The following ERLIN1 variants were observed in gnomAD, a reference collection of about 807,000 sequenced individuals.
ERLIN1 encodes the protein ER lipid raft associated 1, also known as erlin-1.
A neutral mutation model predicts 46.9 loss-of-function variants in ERLIN1; 24 were observed. The observed-to-expected ratio is 0.51, with a 90% CI of 0.37 to 0.72. The LOEUF is 0.72. Among genes scored for constraint, ERLIN1 ranks in the 30% least tolerant of loss-of-function variants. The pLI is 0.00. For synonymous variants in ERLIN1, 158 were observed against 143.2 expected (o/e 1.10, Z -0.74); for missense variants, 293 against 417.9 (o/e 0.70, Z 2.61).
At chr10:100,156,095 G>A in intron 9 of ERLIN1, 50 bp downstream of exon 9, 4 of 1,169,008 alleles carry the variant, frequency 3.4e-6, no homozygotes, top group Non-Finnish European at 5.1e-6. Flanking sequence ...CTGGAGCAGA[G>A]AGGAGGCAGT....
intron 8 of ERLIN1, among the ~76,000 whole-genome samples, chr10:100,159,121 C>T (rs1035519517): frequency 6.6e-6 from 1 of 152,054 alleles, no homozygotes. Context: ...AAGAAAATAA[C>T]TAACCAAGAA....
chr10:100,161,437 C>T (rs1311161852), intron 8 of ERLIN1, among the ~76,000 whole-genome samples: 1 of 150,856 alleles, frequency 6.6e-6, no homozygotes, highest in African/African-American at 2.5e-5. Context: ...GACAACTCTC[C>T]TAAATGGAGA....
chr10:100,179,189 G>A lies in ERLIN1; in HGVS notation c.242+12C>T, dbSNP rs1696873224. The A allele has an allele frequency of 6.3e-7, 1 of 1,587,716 alleles. No individual in the cohort carries two copies. The highest frequency in any genetic ancestry group is 8.6e-7 in the Non-Finnish European group (1 of 1,165,048). On this transcript the variant is annotated intron_variant, in intron 3 of 10. Transcript: ENST00000421367. ...AGCTAAAGGGAGGCTCGTAGGCAAA[G>A]AGAAAGCTTACCTTGTTCCACAAGG...
intron 6 of ERLIN1, among the ~76,000 whole-genome samples, chr10:100,168,745 T>C (rs1407122616): frequency 2.0e-5 from 3 of 150,590 alleles, no homozygotes; most frequent in East Asian, 2.0e-4. Context: ...GGTGGTGCAA[T>C]CTCAGTTCAC....
chr10:100,152,492 T>C (rs916574507), intron 10 of ERLIN1, 140 bp from the exon 11 acceptor site: 57 of 642,938 alleles, frequency 8.9e-5, no homozygotes, highest in Non-Finnish European at 1.5e-4. Flanking sequence ...CTCTCTCACT[T>C]TGGAGAGTGG....
intron 10 of ERLIN1, among the ~76,000 whole-genome samples, chr10:100,152,857 T>TG (rs1221696327): frequency 6.6e-6 from 1 of 151,486 alleles, no homozygotes. Context: ...CACCCAGCCT[T>TG]TTTTTTTTCT....
At chr10:100,162,505 A>G (rs1843409630) in intron 8 of ERLIN1, among the ~76,000 whole-genome samples, 1 of 152,198 alleles carries the variant, frequency 6.6e-6, no homozygotes, top group East Asian at 1.9e-4. Context: ...ATTTGTCAAT[A>G]TGTTGAATGT....
rs150796906 is a variant in ERLIN1, at chr10:100,176,006, G to A, written c.369C>T (p.His123=). Residue 123 remains histidine, a synonymous_variant, in exon 5 of 11, where the codon CAC becomes CAT. Transcript: ENST00000421367. ...YDKTLIFNKI[H]HELNQFCSAH... ...CACTGCAGAACTGGTTCAGCTCATG[G>A]TGGATTTTATTGAAGATTAAGGTCT... 4.2e-4 allele frequency: 679 copies of A among 1,613,070 alleles called. 1 individual carries two copies. In the African/African-American group the frequency reaches 8.1e-3, roughly 19 times the overall value.
At position 100,174,226 on chromosome 10, in the gene ERLIN1, G is replaced by T; in HGVS notation, c.486C>A (p.Ala162=). ...QALQKDLNLM[A]PGLTIQAVRV... is the part of the protein sequence containing the mutation. ...AACTTACCTGTATAGTGAGACCTGG[G>T]GCCATGAGGTTTAAGTCTTTCTGCA... Residue 162 remains alanine, a synonymous_variant, in exon 6 of 11, where the codon GCC becomes GCA. Transcript: ENST00000421367. The T allele has an allele frequency of 6.4e-7, 1 of 1,563,636 alleles. No individual in the cohort carries two copies.
intron 8 of ERLIN1, among the ~76,000 whole-genome samples, chr10:100,158,282 C>A (rs752449032): frequency 6.6e-6 from 1 of 152,154 alleles, no homozygotes; most frequent in Non-Finnish European, 1.5e-5. Flanking sequence ...CTGAAGAACA[C>A]CCAAATACAG....
At chr10:100,155,462 T>C (rs1256824141) in intron 9 of ERLIN1, among the ~76,000 whole-genome samples, 2 of 152,200 alleles carry the variant, frequency 1.3e-5, no homozygotes, top group South Asian at 2.1e-4. Flanking sequence ...ATTTTGTTTT[T>C]TTTTTGGACA....
At position 100,174,280 on chromosome 10, in the gene ERLIN1, A is replaced by T; in HGVS notation, c.432T>A (p.Asp144Glu). Residue 144 changes from aspartate to glutamate, a missense_variant and splice_region_variant, in exon 6 of 11, where the codon GAT becomes GAA. Physicochemically the swap from Asp to Glu is conservative, Grantham distance 45. This residue lies in a region of ERLIN1 where 148 missense variants were observed against 266.5 expected (regional missense o/e 0.56). Coordinates refer to ENST00000421367, the MANE Select transcript of ERLIN1 (RefSeq NM_006459.4). ...TLQEVYIELF[D>E]QIDENLKQAL... ...CTTGCTTCAGGTTTTCATCTATTTG[A>T]TCTGTTTTTTAAGCCAAGAACAACA... 1 of 1,555,034 alleles carries T rather than the reference A, an allele frequency of 6.4e-7. No individual in the cohort carries two copies. Among genetic ancestry groups the T allele is most frequent in the Non-Finnish European group, 8.7e-7 (1 of 1,147,900 alleles).
intron 10 of ERLIN1, among the ~76,000 whole-genome samples, chr10:100,153,987 T>C (rs1842937354): frequency 6.6e-6 from 1 of 152,234 alleles, no homozygotes; most frequent in Admixed American, 6.5e-5. Flanking sequence ...CGGATTATGT[T>C]GTTCCTTTCT....
chr10:100,152,558 T>G (rs1047574712), intron 10 of ERLIN1, among the ~76,000 whole-genome samples: 6 of 152,204 alleles, frequency 3.9e-5, no homozygotes, highest in Admixed American at 3.9e-4. Flanking sequence ...AGCTCCTGAC[T>G]TAATGCAAGA....
chr10:100,183,090 GCAGA>G (rs1475819061), intron 2 of ERLIN1, among the ~76,000 whole-genome samples: 3 of 152,142 alleles, frequency 2.0e-5, no homozygotes, highest in Non-Finnish European at 4.4e-5. Flanking sequence ...GCAGCAGATG[GCAGA>G]CAAACTTCTG....
At chr10:100,156,342 G>A (rs1843081335) in intron 8 of ERLIN1, 108 bp from the exon 9 acceptor site, 1 of 680,620 alleles carries the variant, frequency 1.5e-6, no homozygotes, top group Admixed American at 2.4e-5. Context: ...AAAGTTTTAT[G>A]TGCTAATTGT....
At chr10:100,155,708 G>T (rs939906722) in intron 9 of ERLIN1, among the ~76,000 whole-genome samples, 1 of 151,986 alleles carries the variant, frequency 6.6e-6, no homozygotes, top group Non-Finnish European at 1.5e-5. Flanking sequence ...TAGAGACGGG[G>T]TTTCACCGTT....
Position 100,170,302 on chromosome 10 carries a change from C to T in ERLIN1, c.505-2896G>A, listed in dbSNP as rs1004771953. 2.0e-5 allele frequency among the ~76,000 whole-genome samples: 3 copies of T among 151,996 alleles called. No homozygotes were observed. In the East Asian group the frequency reaches 5.8e-4, roughly 29 times the overall value. ...AATTTTATAACAAGACAAAAGCAAC[C>T]AAAGCAAAGGAGCTCTTCTCTTCTC... On this transcript the variant is annotated intron_variant, in intron 6 of 10. Transcript: ENST00000421367.
At chr10:100,181,907 G>C (rs367953211) in intron 2 of ERLIN1, among the ~76,000 whole-genome samples, 1 of 152,230 alleles carries the variant, frequency 6.6e-6, no homozygotes, top group South Asian at 2.1e-4. Context: ...AGTCACACTG[G>C]CTGGCTCTAG....
Sources: allele counts gnomAD v4.1 joint callset (sites outside exome capture counted in the v4.1 genomes callset), GRCh38; gene constraint gnomAD v4.1.1; regional missense constraint gnomAD v4.1.1; transcripts MANE v1.5; gene names NCBI Gene and HGNC (gene_info 2026-07-23, HGNC 2026-07-21).